The following NCAM2 variants were observed in gnomAD, a reference collection of about 807,000 sequenced individuals.
NCAM2 encodes the protein neural cell adhesion molecule 2.
In NCAM2, 30 loss-of-function variants were observed where a neutral mutation model predicts 98.1. The observed-to-expected ratio is 0.31, with a 90% CI of 0.23 to 0.41. The LOEUF (loss-of-function observed/expected upper bound fraction) is 0.41, where lower values mean the gene tolerates loss of function less well. NCAM2 is among the 10% of genes least tolerant of loss of function. The pLI, the probability that NCAM2 is intolerant of heterozygous loss-of-function variation, is 1.00. For synonymous variants in NCAM2, 368 were observed against 342.4 expected (o/e 1.07, Z -0.83); for missense variants, 867 against 1,005.8 (o/e 0.86, Z 1.87).
At chr21:21,053,404 G>T (rs2146302386) in intron 1 of NCAM2, among the ~76,000 whole-genome samples, 1 of 151,934 alleles carries the variant, frequency 6.6e-6, no homozygotes, top group African/African-American at 2.4e-5. Context: ...CAATACTGAT[G>T]AAACTAACCT....
intron 1 of NCAM2, among the ~76,000 whole-genome samples, chr21:21,121,731 G>T (rs1177393950): frequency 1.3e-5 from 2 of 152,210 alleles, no homozygotes; most frequent in East Asian, 3.9e-4. Context: ...TTGGAAGTCT[G>T]ATGGAAAAGG....
intron 5 of NCAM2, among the ~76,000 whole-genome samples, chr21:21,307,108 A>G (rs2073904942): frequency 6.6e-6 from 1 of 152,088 alleles, no homozygotes; most frequent in Non-Finnish European, 1.5e-5. Context: ...TTTGAATTAG[A>G]GTGCCACACA....
intron 16 of NCAM2, among the ~76,000 whole-genome samples, chr21:21,510,618 C>G (rs868864365): frequency 6.6e-6 from 1 of 151,938 alleles, no homozygotes; most frequent in Admixed American, 6.6e-5. Flanking sequence ...TTGGCTTTAT[C>G]ATATAATTTT....
intron 1 of NCAM2, among the ~76,000 whole-genome samples, chr21:21,105,481 A>G (rs1268130122): frequency 6.6e-6 from 1 of 152,132 alleles, no homozygotes; most frequent in East Asian, 1.9e-4. Flanking sequence ...GCAATGGAAG[A>G]CAGAACTGGC....
At chr21:21,326,693 C>T (rs2074520230) in intron 6 of NCAM2, among the ~76,000 whole-genome samples, 1 of 151,828 alleles carries the variant, frequency 6.6e-6, no homozygotes, top group African/African-American at 2.4e-5. Context: ...TTTTTCTTCT[C>T]CATATCTTCA....
intron 16 of NCAM2, among the ~76,000 whole-genome samples, chr21:21,516,447 T>G (rs1421252696): frequency 6.6e-6 from 1 of 152,154 alleles, no homozygotes; most frequent in African/African-American, 2.4e-5. Flanking sequence ...ATATGCCAAC[T>G]GAGATTTATT....
At chr21:21,270,806 T>G (rs2072468616) in intron 1 of NCAM2, among the ~76,000 whole-genome samples, 1 of 152,104 alleles carries the variant, frequency 6.6e-6, no homozygotes, top group African/African-American at 2.4e-5. Context: ...AAAACCTATT[T>G]GATTTTTTTT....
intron 1 of NCAM2, among the ~76,000 whole-genome samples, chr21:21,260,240 T>TA (rs1171192121): frequency 6.6e-6 from 1 of 151,648 alleles, no homozygotes; most frequent in African/African-American, 2.4e-5. Flanking sequence ...ATTCCTGAGA[T>TA]AGAAGAAAAA....
At chr21:21,365,877 A>G (rs2075772808) in intron 8 of NCAM2, among the ~76,000 whole-genome samples, 1 of 152,116 alleles carries the variant, frequency 6.6e-6, no homozygotes, top group Admixed American at 6.6e-5. Context: ...GTTAAGTGCT[A>G]TGATTTCCTT....
chr21:21,269,326 G>A (rs1366554545), intron 1 of NCAM2, among the ~76,000 whole-genome samples: 4 of 152,122 alleles, frequency 2.6e-5, no homozygotes, highest in Non-Finnish European at 5.9e-5. Context: ...TATGGAAAGT[G>A]GGAGTTTTTC....
chr21:21,530,268 T>C (rs1989590167), intron 16 of NCAM2, among the ~76,000 whole-genome samples: 1 of 136,600 alleles, frequency 7.3e-6, no homozygotes, highest in East Asian at 2.0e-4. Flanking sequence ...TTTAATTTAA[T>C]TATATATAAT....
chr21:21,228,073 GAT>G (rs1291739978), intron 1 of NCAM2, among the ~76,000 whole-genome samples: 1 of 151,680 alleles, frequency 6.6e-6, no homozygotes, highest in African/African-American at 2.4e-5. Context: ...GGGTTAGAAA[GAT>G]ATGCATCAAT....
chr21:21,464,030 G>A (rs867155879), intron 12 of NCAM2, among the ~76,000 whole-genome samples: 4 of 152,036 alleles, frequency 2.6e-5, no homozygotes, highest in South Asian at 2.1e-4. Context: ...CTACACTTCT[G>A]ATTTATGTAG....
At chr21:21,375,526 G>C (rs907853059) in intron 9 of NCAM2, among the ~76,000 whole-genome samples, 26 of 151,596 alleles carry the variant, frequency 1.7e-4, no homozygotes, top group African/African-American at 6.3e-4. Flanking sequence ...AGGAGGAAGT[G>C]ATGCCAATAA....
chr21:21,401,676 T>C (rs1211732507), intron 9 of NCAM2, among the ~76,000 whole-genome samples: 2 of 150,622 alleles, frequency 1.3e-5, no homozygotes, highest in African/African-American at 5.0e-5. Flanking sequence ...TACTATGTGT[T>C]TTGTATCCAT....
At chr21:21,430,961 G>C (rs1298729089) in intron 11 of NCAM2, among the ~76,000 whole-genome samples, 1 of 149,330 alleles carries the variant, frequency 6.7e-6, no homozygotes, top group Non-Finnish European at 1.5e-5. Flanking sequence ...CAGGAGAATG[G>C]CATGAACCCA....
At chr21:21,069,846 G>T (rs1178963124) in intron 1 of NCAM2, among the ~76,000 whole-genome samples, 1 of 152,114 alleles carries the variant, frequency 6.6e-6, no homozygotes, top group Non-Finnish European at 1.5e-5. Context: ...CAACTGCAGT[G>T]AAATATCCTC....
intron 12 of NCAM2, among the ~76,000 whole-genome samples, chr21:21,438,779 A>G (rs1428597370): frequency 2.6e-5 from 4 of 152,114 alleles, no homozygotes; most frequent in African/African-American, 7.2e-5. Context: ...ACAAATGACA[A>G]TATCAATATT....
intron 1 of NCAM2, among the ~76,000 whole-genome samples, chr21:21,092,988 G>T (rs578144582): frequency 1.4e-5 from 2 of 144,842 alleles, no homozygotes; most frequent in South Asian, 4.6e-4. Context: ...GACATTGCCT[G>T]AGTCTTTTTA....
Sources: gnomAD v4.1 joint callset for allele counts (sites outside exome capture counted in the v4.1 genomes callset) on GRCh38, gnomAD v4.1.1 for gene constraint, MANE v1.5 for transcripts, NCBI Gene and HGNC (gene_info 2026-07-23, HGNC 2026-07-21) for gene names.